The following CNTN5 variants were observed in gnomAD, a reference collection of about 807,000 sequenced individuals.
The protein encoded by CNTN5 is contactin 5.
A neutral mutation model predicts 129.1 loss-of-function variants in CNTN5; 77 were observed. The ratio of observed to expected loss-of-function variants is 0.60; its 90% CI spans 0.50 to 0.72. The LOEUF (loss-of-function observed/expected upper bound fraction) is 0.72, where lower values mean the gene tolerates loss of function less well. CNTN5 is among the 30% of genes least tolerant of loss of function. The pLI, the probability that CNTN5 is intolerant of heterozygous loss-of-function variation, is 0.00. For missense variants in CNTN5, 1,478 were observed against 1,328.8 expected (o/e 1.11, Z -1.75); for synonymous variants, 509 against 465.6 (o/e 1.09, Z -1.20).
chr11:99,705,368 A>G (rs76925298), intron 3 of CNTN5, among the ~76,000 whole-genome samples: 4,055 of 151,404 alleles, frequency 0.027, 176 homozygotes, highest in African/African-American at 0.092. Context: ...CTCCATTACC[A>G]GCTGAAGACT....
chr11:99,334,037 G>T (rs1051747760), intron 2 of CNTN5, among the ~76,000 whole-genome samples: 2 of 151,232 alleles, frequency 1.3e-5, no homozygotes, highest in African/African-American at 4.9e-5. Context: ...AAATTATCAA[G>T]AATGAAATCA....
chr11:99,491,011 A>G (rs2135348854), intron 2 of CNTN5, among the ~76,000 whole-genome samples: 1 of 152,130 alleles, frequency 6.6e-6, no homozygotes, highest in South Asian at 2.1e-4. Flanking sequence ...CAAGTTGCAT[A>G]TGTGGGAAGA....
intron 21 of CNTN5, among the ~76,000 whole-genome samples, chr11:100,322,477 C>G (rs995552366): frequency 6.6e-6 from 1 of 152,166 alleles, no homozygotes; most frequent in Non-Finnish European, 1.5e-5. Flanking sequence ...CCGTCTTGGC[C>G]TCCCAAAGTG....
intron 3 of CNTN5, among the ~76,000 whole-genome samples, chr11:99,695,999 T>A (rs867423120): frequency 5.3e-5 from 8 of 152,080 alleles, no homozygotes; most frequent in African/African-American, 1.4e-4. Context: ...CCTGTATTTA[T>A]TAATTTAAAA....
intron 3 of CNTN5, among the ~76,000 whole-genome samples, chr11:99,716,097 C>G (rs1171280609): frequency 6.6e-6 from 1 of 151,922 alleles, no homozygotes; most frequent in Non-Finnish European, 1.5e-5. Context: ...TGGTATCTTA[C>G]AATTTGATAG....
chr11:99,966,210 A>G (rs1267421695), intron 8 of CNTN5, among the ~76,000 whole-genome samples: 1 of 152,206 alleles, frequency 6.6e-6, no homozygotes. Context: ...GGACATATGC[A>G]AAGGCAGTAT....
At chr11:99,060,533 C>T (rs1864831222) in intron 1 of CNTN5, among the ~76,000 whole-genome samples, 1 of 151,532 alleles carries the variant, frequency 6.6e-6, no homozygotes. Flanking sequence ...ATCATTTGTA[C>T]TAAGATGATG....
At chr11:99,101,492 G>A (rs1222869602) in intron 1 of CNTN5, among the ~76,000 whole-genome samples, 1 of 152,192 alleles carries the variant, frequency 6.6e-6, no homozygotes, top group Admixed American at 6.5e-5. Flanking sequence ...TCAAAAGCAA[G>A]TTAGTTACTT....
At chr11:99,469,508 A>G (rs1343218118) in intron 2 of CNTN5, among the ~76,000 whole-genome samples, 3 of 152,020 alleles carry the variant, frequency 2.0e-5, no homozygotes, top group Non-Finnish European at 4.4e-5. Context: ...CACTTAACTT[A>G]CTGTATAATA....
intron 3 of CNTN5, among the ~76,000 whole-genome samples, chr11:99,789,776 A>G (rs1945672424): frequency 6.6e-6 from 1 of 151,844 alleles, no homozygotes; most frequent in Non-Finnish European, 1.5e-5. Flanking sequence ...AAAATTTTTT[A>G]TTTCATTTTT....
intron 6 of CNTN5, among the ~76,000 whole-genome samples, chr11:99,884,869 C>T (rs1286819324): frequency 3.9e-5 from 6 of 152,074 alleles, no homozygotes; most frequent in Non-Finnish European, 2.9e-5. Flanking sequence ...CCCAGCTACT[C>T]GGTTGGCTGA....
intron 21 of CNTN5, among the ~76,000 whole-genome samples, chr11:100,331,025 A>C (rs1217517720): frequency 6.6e-6 from 1 of 152,294 alleles, no homozygotes; most frequent in South Asian, 2.1e-4. Context: ...CTCCACCTAA[A>C]ATATACAGAA....
intron 3 of CNTN5, among the ~76,000 whole-genome samples, chr11:99,748,563 C>A (rs1465375035): frequency 6.6e-6 from 1 of 152,072 alleles, no homozygotes; most frequent in Non-Finnish European, 1.5e-5. Context: ...AAATGAGAGT[C>A]CAAAGGCCTG....
In CNTN5 at chr11:99,643,271, G is replaced by C. The variant is rs564365068; in HGVS notation, c.55+87002G>C. On this transcript the variant is annotated intron_variant, in intron 3 of 24. Transcript: ENST00000524871. ...TTGGTATGTCTCTGTAAAAATGTAG[G>C]TGTATACGAATATTTGATTCTTTAT... Among the ~76,000 whole-genome samples the C allele has an allele frequency of 1.2e-4, 19 of 152,040 alleles. No homozygotes were observed. In the East Asian group the frequency reaches 3.7e-3, roughly 30 times the overall value.
At chr11:99,590,999 T>C (rs1949962083) in intron 3 of CNTN5, among the ~76,000 whole-genome samples, 1 of 152,224 alleles carries the variant, frequency 6.6e-6, no homozygotes, top group East Asian at 1.9e-4. Context: ...ACAATTATAA[T>C]GTAAATTGTG....
chr11:99,050,167 G>T (rs1864369409), intron 1 of CNTN5, among the ~76,000 whole-genome samples: 1 of 151,912 alleles, frequency 6.6e-6, no homozygotes, highest in African/African-American at 2.4e-5. Context: ...CTTGAGTATC[G>T]AGAATTACTG....
intron 2 of CNTN5, among the ~76,000 whole-genome samples, chr11:99,379,770 G>A (rs1247169163): frequency 6.6e-6 from 1 of 152,060 alleles, no homozygotes; most frequent in Non-Finnish European, 1.5e-5. Context: ...AGCTTTGGTG[G>A]GTGACAGAAT....
At chr11:100,189,068 G>A (rs1049447851) in intron 13 of CNTN5, among the ~76,000 whole-genome samples, 1 of 151,930 alleles carries the variant, frequency 6.6e-6, no homozygotes, top group Non-Finnish European at 1.5e-5. Flanking sequence ...AAAAACTGAA[G>A]ACTACTAGAG....
At chr11:100,220,051 G>A (rs1021871176) in intron 15 of CNTN5, among the ~76,000 whole-genome samples, 1 of 152,144 alleles carries the variant, frequency 6.6e-6, no homozygotes, top group Non-Finnish European at 1.5e-5. Context: ...GCTGAGGTGG[G>A]TGGATCATGA....
Sources: gnomAD v4.1 joint callset for allele counts (sites outside exome capture counted in the v4.1 genomes callset) on GRCh38, gnomAD v4.1.1 for gene constraint, MANE v1.5 for transcripts, NCBI Gene and HGNC (gene_info 2026-07-23, HGNC 2026-07-21) for gene names.